Variants in KLHL31 observed in about 807,000 individuals in gnomAD.
KLHL31 encodes the protein kelch-like protein 31.
A neutral mutation model predicts 47.1 loss-of-function variants in KLHL31; 32 were observed. That is an observed-to-expected ratio of 0.68 (90% confidence interval 0.51 to 0.91). The LOEUF (loss-of-function observed/expected upper bound fraction) is 0.91. KLHL31 is among the 40% of genes least tolerant of loss of function. The probability of loss-of-function intolerance (pLI) is 0.00; values close to 1 mark genes in which losing one functional copy is unlikely to be tolerated. For synonymous variants in KLHL31, 330 were observed against 325.1 expected, an observed-to-expected ratio of 1.01 and a Z score of -0.16; for missense variants, 797 against 819.3, an observed-to-expected ratio of 0.97 and a Z score of 0.33.
intron 1 of KLHL31, among the ~76,000 whole-genome samples, chr6:53,665,130 A>ACTCAGAC (rs1442553524): frequency 6.6e-6 from 1 of 151,852 alleles, no homozygotes; most frequent in African/African-American, 2.4e-5. Flanking sequence ...GTTTTGTGCT[A>ACTCAGAC]CAGATTTAGT....
chr6:53,655,701 G>A lies in KLHL31; in HGVS notation c.-33-396C>T, dbSNP rs13211951. Among the ~76,000 whole-genome samples, 885 of 151,710 alleles carry A rather than the reference G, an allele frequency of 5.8e-3. 4 individuals carry two copies. Among genetic ancestry groups the A allele is most frequent in the Middle Eastern group, 0.014 (4 of 294 alleles). On this transcript the variant is annotated intron_variant, in intron 1 of 2. Transcript: ENST00000370905. ...AGCTCACTGCAACCTCTGCCTCCCGGGTTCAAGCTATTCTTCTGCCTCAGC... is the reference window on the plus strand; with the variant it reads ...AGCTCACTGCAACCTCTGCCTCCCGAGTTCAAGCTATTCTTCTGCCTCAGC...
intron 1 of KLHL31, among the ~76,000 whole-genome samples, chr6:53,663,687 C>G (rs756552593): frequency 6.6e-6 from 1 of 152,212 alleles, no homozygotes; most frequent in Non-Finnish European, 1.5e-5. Context: ...GTATATAGGA[C>G]ACAAGGACAC....
In KLHL31 at chr6:53,652,256, A is replaced by G; in HGVS notation, c.1247T>C (p.Val416Ala). ...NQKRTHFSLSVFNGLVYAAGG... is the reference protein window; with the variant it reads ...NQKRTHFSLSAFNGLVYAAGG... ...CGCGGCGTACACGAGCCCGTTGAAC[A>G]CGCTCAGGCTGAAGTGCGTGCGCTT... The change falls in exon 3 of 3, where the codon GTG becomes GCG. Residue 416 changes from valine to alanine, a missense_variant. By Grantham distance (64) the Val-to-Ala change is moderately conservative. Coordinates refer to ENST00000370905, the MANE Select transcript of KLHL31 (RefSeq NM_001003760.5). The G allele has an allele frequency of 6.2e-7, 1 of 1,614,146 alleles. No individual in the cohort carries two copies. Among genetic ancestry groups the G allele is most frequent in the Non-Finnish European group, 8.5e-7 (1 of 1,180,046 alleles).
In KLHL31 at chr6:53,651,888, T is replaced by A. The variant is rs1764475361; in HGVS notation, c.1615A>T (p.Ser539Cys). The A allele has an allele frequency of 6.3e-7, 1 of 1,594,566 alleles. No individual in the cohort carries two copies. Among genetic ancestry groups the A allele is most frequent in the African/African-American group, 1.3e-5 (1 of 74,690 alleles). Residue 539 changes from serine (S) to cysteine (C), a missense_variant, in exon 3 of 3, where the codon AGC becomes TGC. Coordinates refer to ENST00000370905, the MANE Select transcript of KLHL31 (RefSeq NM_001003760.5). ...RVDVLTVECY[S>C]PATGQWSYAA... ...TAGCTCCACTGGCCGGTCGCGGGGC[T>A]GTAGCACTCCACGGTGAGCACGTCC...
intron 1 of KLHL31, among the ~76,000 whole-genome samples, chr6:53,656,545 A>G (rs1764563476): frequency 6.6e-6 from 1 of 152,128 alleles, no homozygotes; most frequent in African/African-American, 2.4e-5. Context: ...GTGCATATTT[A>G]TATATTTATA....
intron 1 of KLHL31, among the ~76,000 whole-genome samples, chr6:53,657,538 T>C (rs1764580322): frequency 6.6e-6 from 1 of 152,150 alleles, no homozygotes. Flanking sequence ...GGGTATATCA[T>C]ACATTGTTCA....
At position 53,651,623 on chromosome 6, in the gene KLHL31, A is replaced by C; in HGVS notation, c.1880T>G (p.Val627Gly). ...NVTRESRASSVSSVPVSI is the reference protein window; with the variant it reads ...NVTRESRASSGSSVPVSI The stretch of plus-strand genomic sequence containing the variant: ...TCAGATACTGACTGGCACAGAAGAT[A>C]CCGAACTGGCCCGGGATTCCCGAGT... Residue 627 changes from valine (V) to glycine (G), a missense_variant, in exon 3 of 3, where the codon GTA (valine) becomes GGA (glycine). Transcript: ENST00000370905. The C allele has an allele frequency of 6.2e-7, 1 of 1,614,048 alleles. No homozygotes were observed. The highest frequency in any genetic ancestry group is 8.5e-7 in the Non-Finnish European group (1 of 1,179,978).
chr6:53,660,738 C>T (rs1034428991), intron 1 of KLHL31, among the ~76,000 whole-genome samples: 2 of 152,128 alleles, frequency 1.3e-5, no homozygotes, highest in African/African-American at 2.4e-5. Flanking sequence ...CACTTGAACC[C>T]GGGAGACAAC....
intron 2 of KLHL31, among the ~76,000 whole-genome samples, chr6:53,653,385 T>C (rs1372025496): frequency 2.6e-5 from 4 of 152,236 alleles, no homozygotes; most frequent in Non-Finnish European, 5.9e-5. Context: ...TGCTCATTAG[T>C]TATGTTTGAC....
chr6:53,651,916 G>T lies in KLHL31; in HGVS notation c.1587C>A (p.Arg529=). 1 of 1,588,946 alleles carries T rather than the reference G, an allele frequency of 6.3e-7. No individual in the cohort carries two copies. Reference sequence around the variant, plus strand: ...AGCACTCCACGGTGAGCACGTCCACGCGCTCCCCGCGCGGCCCCAGCTGGC... The same window carrying T: ...AGCACTCCACGGTGAGCACGTCCACTCGCTCCCCGCGCGGCCCCAGCTGGC... ...GGSQLGPRGE[R]VDVLTVECYS... is the part of the protein sequence containing the mutation. The change falls in exon 3 of 3, where the codon CGC becomes CGA. Residue 529 remains arginine (R), a synonymous_variant. Transcript: ENST00000370905.
chr6:53,657,920 A>AT (rs1441642576), intron 1 of KLHL31, among the ~76,000 whole-genome samples: 1 of 152,138 alleles, frequency 6.6e-6, no homozygotes, highest in Non-Finnish European at 1.5e-5. Context: ...GCTGTAGCAC[A>AT]TACATCCTTC....
intron 1 of KLHL31, among the ~76,000 whole-genome samples, chr6:53,656,562 ATG>A (rs981228225): frequency 6.6e-6 from 1 of 152,148 alleles, no homozygotes; most frequent in African/African-American, 2.4e-5. Context: ...TATATAGTGT[ATG>A]TGTGTGTAAG....
chr6:53,654,468 C>T lies in KLHL31; in HGVS notation c.805G>A (p.Val269Ile). 6.2e-7 allele frequency: 1 copy of T among 1,614,124 alleles called. No individual in the cohort carries two copies. Among genetic ancestry groups the T allele is most frequent in the Non-Finnish European group, 8.5e-7 (1 of 1,180,004 alleles). Residue 269 changes from valine to isoleucine, a missense_variant, in exon 2 of 3, where the codon GTC (valine) becomes ATC (isoleucine). Transcript: ENST00000370905. ...CTTGGTACGGATTGAACATAATTGA[C>T]CAGGTCTTGTGCAGAGATGGTACCA... ...RFGTISAQDL[V>I]NYVQSVPRMM...
In KLHL31 at chr6:53,654,355, A is replaced by G. The variant is rs771199937; in HGVS notation, c.918T>C (p.Ser306=). The change falls in exon 2 of 3, where the codon TCT becomes TCC. Residue 306 remains serine (S), a synonymous_variant. Coordinates refer to ENST00000370905, the MANE Select transcript of KLHL31 (RefSeq NM_001003760.5). ...LLPYHQNTLQ[S]RRTRIRGGCR... is the part of the protein sequence containing the mutation. The stretch of plus-strand genomic sequence containing the variant: ...AGCCACCTCGGATTCTTGTTCGCCT[A>G]GATTGCAATGTGTTTTGATGATATG... 10 of 1,614,100 alleles carry G rather than the reference A, an allele frequency of 6.2e-6. No individual in the cohort carries two copies. The highest frequency in any genetic ancestry group is 8.5e-6 in the Non-Finnish European group (10 of 1,180,044).
chr6:53,660,203 A>T (rs932597747), intron 1 of KLHL31, among the ~76,000 whole-genome samples: 1 of 152,018 alleles, frequency 6.6e-6, no homozygotes, highest in Non-Finnish European at 1.5e-5. Context: ...ACATATATTT[A>T]TATATATGTA....
At position 53,655,390 on chromosome 6, in the gene KLHL31, A is replaced by G. The variant is rs1160517336; in HGVS notation, c.-33-85T>C. The G allele has an allele frequency of 6.5e-6, 4 of 618,124 alleles. No individual in the cohort carries two copies. The African/African-American group carries it at 7.4e-5, about 11-fold the overall frequency. 38.3% of individuals were successfully genotyped at this position (618,124 alleles called of 1,614,324 possible). A position where few individuals can be genotyped will look rare whatever the true frequency, so the allele number is the denominator to read the frequency against. On this transcript the variant is annotated intron_variant, in intron 1 of 2. Coordinates refer to ENST00000370905, the MANE Select transcript of KLHL31 (RefSeq NM_001003760.5). ...CTACATTGAGAAACTTTTTCAAAAGATAATAGTTTTCATGGCATAAAATAG... is the reference window on the plus strand; with the variant it reads ...CTACATTGAGAAACTTTTTCAAAAGGTAATAGTTTTCATGGCATAAAATAG...
intron 1 of KLHL31, among the ~76,000 whole-genome samples, chr6:53,655,777 T>C (rs1387362095): frequency 6.6e-6 from 1 of 152,038 alleles, no homozygotes; most frequent in Non-Finnish European, 1.5e-5. Context: ...CAGGTAATTT[T>C]TGTATTTTTG....
In KLHL31 at chr6:53,654,906, T is replaced by C. The variant is rs1345304864; in HGVS notation, c.367A>G (p.Thr123Ala). The change falls in exon 2 of 3, where the codon ACT becomes GCT. Residue 123 changes from threonine to alanine, a missense_variant. Physicochemically the swap from Thr to Ala is moderately conservative, Grantham distance 58. Coordinates refer to ENST00000370905, the MANE Select transcript of KLHL31 (RefSeq NM_001003760.5). ...CCAGTGTAGGCATATGCAATGACAGTGGCCAGGCCTAGTGGTGAGATATCA... is the reference window on the plus strand; with the variant it reads ...CCAGTGTAGGCATATGCAATGACAGCGGCCAGGCCTAGTGGTGAGATATCA... The part of the protein sequence containing the change: ...LNDISPLGLA[T>A]VIAYAYTGKL... 3.1e-6 allele frequency: 5 copies of C among 1,614,184 alleles called. No homozygotes were observed. Among genetic ancestry groups the C allele is most frequent in the Non-Finnish European group, 1.7e-6 (2 of 1,179,998 alleles).
rs755730071 is a variant in KLHL31, at chr6:53,655,210, G to T, written c.63C>A (p.Ile21=). 1.2e-6 allele frequency: 2 copies of T among 1,607,490 alleles called. No homozygotes were observed. The highest frequency in any genetic ancestry group is 4.5e-5 in the East Asian group (2 of 44,836). The change falls in exon 2 of 3, where the codon ATC becomes ATA. Residue 21 remains isoleucine, a synonymous_variant. Coordinates refer to ENST00000370905, the MANE Select transcript of KLHL31 (RefSeq NM_001003760.5). ...NKGDINEMTI[I]VEDSPLNKLN... Reference sequence around the variant, plus strand: ...GTTTGTTTAGGGGGCTATCTTCTACGATTATAGTCATCTCATTGATATCTC... The same window carrying T: ...GTTTGTTTAGGGGGCTATCTTCTACTATTATAGTCATCTCATTGATATCTC...
Sources: allele counts gnomAD v4.1 joint callset (sites outside exome capture counted in the v4.1 genomes callset), GRCh38; gene constraint gnomAD v4.1.1; transcripts MANE v1.5; gene names NCBI Gene and HGNC (gene_info 2026-07-23, HGNC 2026-07-21).